Variants in ARID3A observed in about 807,000 individuals in gnomAD.
ARID3A encodes AT-rich interaction domain 3A.
ARID3A carries 11 observed loss-of-function variants against 52.7 expected under a neutral mutation model. That is an observed-to-expected ratio of 0.21 (90% CI 0.13 to 0.35). The LOEUF (loss-of-function observed/expected upper bound fraction) is 0.35, where lower values mean the gene tolerates loss of function less well. ARID3A is among the 10% of genes least tolerant of loss of function. The pLI, the probability that ARID3A is intolerant of heterozygous loss-of-function variation, is 1.00. For synonymous variants in ARID3A, 404 were observed against 359.4 expected (o/e 1.12, Z -1.40); for missense variants, 721 against 838.5 (o/e 0.86, Z 1.73).
chr19:930,459 G>T (rs1167793286), intron 2 of ARID3A, among the ~76,000 whole-genome samples: 1 of 150,644 alleles, frequency 6.6e-6, no homozygotes, highest in African/African-American at 2.4e-5. Flanking sequence ...GGCTGAGGCA[G>T]GAGAATGGCT....
chr19:953,827 G>A (rs994977008), intron 3 of ARID3A, among the ~76,000 whole-genome samples: 2 of 152,146 alleles, frequency 1.3e-5, no homozygotes, highest in African/African-American at 2.4e-5. Flanking sequence ...TAATCCCAGC[G>A]CTGTGGGAGG....
In ARID3A at chr19:972,344, A is replaced by T. The variant is rs933199754; in HGVS notation, c.*279A>T. The T allele has an allele frequency of 9.3e-6, 2 of 215,756 alleles. No individual in the cohort carries two copies. Among genetic ancestry groups the T allele is most frequent in the African/African-American group, 4.5e-5 (2 of 44,052 alleles). 13.4% of individuals were successfully genotyped at this position (215,756 alleles called of 1,614,324 possible). On this transcript the variant is annotated 3_prime_UTR_variant, in exon 9 of 9. Transcript: ENST00000263620. ...GACATTCAGAGAGATGAATTGTGAG[A>T]ACAGCAAAGAAATCCATCAGAAAAA...
At position 956,284 on chromosome 19, in the gene ARID3A, G is replaced by A. The variant is rs111460230; in HGVS notation, c.694-3808G>A. Among the ~76,000 whole-genome samples, 31 of 152,184 alleles carry A rather than the reference G, an allele frequency of 2.0e-4. No individual in the cohort carries two copies. In the East Asian group the frequency reaches 3.9e-3, roughly 19 times the overall value. On this transcript the variant is annotated intron_variant, in intron 3 of 8. Coordinates refer to ENST00000263620, the MANE Select transcript of ARID3A (RefSeq NM_005224.3). Reference sequence around the variant, plus strand: ...CCCTGTCCCCCTCTCCGCCCTGCCCGGCTCACTTTTGCAGCTGAGAAAATC... The same window carrying A: ...CCCTGTCCCCCTCTCCGCCCTGCCCAGCTCACTTTTGCAGCTGAGAAAATC...
chr19:926,776 G>T (rs1389277839), intron 1 of ARID3A, among the ~76,000 whole-genome samples: 1 of 151,716 alleles, frequency 6.6e-6, no homozygotes, highest in Non-Finnish European at 1.5e-5. Context: ...ACAAAAGCGG[G>T]CGCAGGAAGC....
At chr19:962,218 G>T (rs1053497414) in intron 4 of ARID3A, among the ~76,000 whole-genome samples, 38 of 152,186 alleles carry the variant, frequency 2.5e-4, no homozygotes, top group African/African-American at 9.1e-4. Context: ...CTTCACTCCA[G>T]ACAGAGAGAA....
intron 3 of ARID3A, among the ~76,000 whole-genome samples, chr19:935,516 C>T (rs950733540): frequency 9.9e-5 from 15 of 152,184 alleles, no homozygotes; most frequent in Admixed American, 3.3e-4. Context: ...CTTACTCTGT[C>T]GGGTAGGCTG....
In ARID3A at chr19:960,840, C is replaced by G. The variant is rs1249706344; in HGVS notation, c.766+676C>G. On this transcript the variant is annotated intron_variant, in intron 4 of 8. Coordinates refer to ENST00000263620, the MANE Select transcript of ARID3A (RefSeq NM_005224.3). The surrounding 1 kb of genome is among the most constrained non-coding windows in gnomAD (Gnocchi z 4.3). ...CTCTGTGCCCCCAAAGTCTCCTGGC[C>G]TAGAGAGGGCAGGTCTGGGCTGGTG... Among the ~76,000 whole-genome samples, 1 of 152,174 alleles carries G rather than the reference C, an allele frequency of 6.6e-6. No individual in the cohort carries two copies. The highest frequency in any genetic ancestry group is 1.5e-5 in the Non-Finnish European group (1 of 68,034).
Position 975,736 on chromosome 19 carries a change from GA to G in ARID3A, c.*3686del, listed in dbSNP as rs200120532. 0.17 allele frequency: 15,776 copies of G among 91,562 alleles called. 546 individuals are homozygous for G. The highest frequency in any genetic ancestry group is 0.31 in the East Asian group (2,233 of 7,244). 5.7% of individuals were successfully genotyped at this position (91,562 alleles called of 1,614,324 possible). ...TCGCAGAACATTCAGGTATTAAAAG[GA>G]AAAAAAAAAAAAAAGACAAAAAGAC... On this transcript the variant is annotated 3_prime_UTR_variant, in exon 9 of 9. Transcript: ENST00000263620.
rs982669409 is a variant in ARID3A at position 942,316 on chromosome 19, G to T, written c.693+9574G>T. Among the ~76,000 whole-genome samples the T allele has an allele frequency of 6.6e-6, 1 of 152,160 alleles. No homozygotes were observed. The highest frequency in any genetic ancestry group is 1.5e-5 in the Non-Finnish European group (1 of 68,010). On this transcript the variant is annotated intron_variant, in intron 3 of 8. Coordinates refer to ENST00000263620, the MANE Select transcript of ARID3A (RefSeq NM_005224.3). The surrounding 1 kb of genome is among the most constrained non-coding windows in gnomAD (Gnocchi z 8.1). ...TGTCGATCCTGACTGGGGCGGTGGC[G>T]ACATGGCCCCCGCAGCTGCCCGGCG...
chr19:958,734 A>T (rs1351826438), intron 3 of ARID3A, among the ~76,000 whole-genome samples: 1 of 151,924 alleles, frequency 6.6e-6, no homozygotes, highest in Non-Finnish European at 1.5e-5. Flanking sequence ...TCTACTAAAA[A>T]TACAAAAAAT....
chr19:929,441 C>CA lies in ARID3A; in HGVS notation c.-88_-87insA. 7.5e-4 allele frequency: 952 copies of CA among 1,269,790 alleles called. No homozygotes were observed. Among genetic ancestry groups the CA allele is most frequent in the Non-Finnish European group, 8.8e-4 (878 of 1,000,476 alleles). The allele number at this position is 1,269,790 out of a possible 1,614,324, so 78.7% of individuals were successfully genotyped here. ...CCACGCTGCAGTGCGGCCGGGCCCC[C>CA]TCCCCGCAGGGGCCGCCCCCGCCGC... On this transcript the variant is annotated 5_prime_UTR_variant, in exon 2 of 9. Coordinates refer to ENST00000263620, the MANE Select transcript of ARID3A (RefSeq NM_005224.3). This position sits in a 1 kb window ranked among gnomAD's most constrained non-coding sequence, Gnocchi z 6.2.
rs368152991 is a variant in ARID3A at position 971,987 on chromosome 19, C to G, written c.1704C>G (p.Thr568=). The G allele has an allele frequency of 2.5e-6, 4 of 1,601,484 alleles. No homozygotes were observed. The highest frequency in any genetic ancestry group is 1.4e-5 in the African/African-American group (1 of 73,632). The change falls in exon 9 of 9, where the codon ACC becomes ACG. Residue 568 remains threonine (T), a synonymous_variant. Coordinates refer to ENST00000263620, the MANE Select transcript of ARID3A (RefSeq NM_005224.3). The part of the protein sequence containing the change: ...SSNAGGRGGN[T]GTSGGQAGPA... The stretch of plus-strand genomic sequence containing the variant: ...ACGCAGGCGGCCGGGGAGGAAACAC[C>G]GGAACCAGCGGCGGCCAGGCTGGGC...
chr19:951,075 G>A (rs2037794575), intron 3 of ARID3A, among the ~76,000 whole-genome samples: 1 of 151,950 alleles, frequency 6.6e-6, no homozygotes, highest in Non-Finnish European at 1.5e-5. Context: ...GCCCGCCTCA[G>A]CCTCCCTAAG....
rs1383988513 is a variant in ARID3A at position 929,767 on chromosome 19, G to A, written c.239G>A (p.Gly80Asp). Residue 80 changes from glycine to aspartate, a missense_variant, in exon 2 of 9, where the codon GGC becomes GAC. By Grantham distance (94) the Gly-to-Asp change is moderately conservative (BLOSUM62 -1). This residue lies in a region of ARID3A where 349 missense variants were observed against 297.3 expected (regional missense o/e 1.17). Transcript: ENST00000263620. This position sits in a 1 kb window ranked among gnomAD's most constrained non-coding sequence, Gnocchi z 6.2. ...AGLGHPASPG[G>D]SEDGPPGSEE... ...CTGGGACACCCAGCCAGCCCCGGCG[G>A]CTCTGAGGATGGGCCCCCAGGCTCG... 6.4e-7 allele frequency: 1 copy of A among 1,552,926 alleles called. No individual in the cohort carries two copies. The highest frequency in any genetic ancestry group is 2.4e-5 in the East Asian group (1 of 42,240).
At position 966,799 on chromosome 19, in the gene ARID3A, C is replaced by T. The variant is rs746742501; in HGVS notation, c.1426C>T (p.Arg476Cys). The change falls in exon 7 of 9, where the codon CGT becomes TGT. Residue 476 changes from arginine (R) to cysteine (C), a missense_variant. Around this residue, in one of 5 missense-constraint regions of ARID3A, gnomAD observed 297 missense variants for 343.2 expected, o/e 0.87. Transcript: ENST00000263620. ...VADEQQRLMQ[R>C]ALQQNFLAMA... is the part of the protein sequence containing the mutation. ...CGATGAGCAGCAACGGCTGATGCAA[C>T]GTGCACTCCAGCAGAACTTCCTGGC... The T allele has an allele frequency of 2.7e-5, 44 of 1,613,562 alleles. No homozygotes were observed. The highest frequency in any genetic ancestry group is 3.3e-4 in the Middle Eastern group (2 of 6,084).
chr19:931,134 A>C (rs932315316), intron 2 of ARID3A, among the ~76,000 whole-genome samples: 1 of 151,990 alleles, frequency 6.6e-6, no homozygotes, highest in African/African-American at 2.4e-5. Context: ...TTTCTACAAA[A>C]AGTACAAAAA....
intron 1 of ARID3A, 50 bp downstream of exon 1, chr19:926,109 G>A (rs535800281): frequency 6.6e-6 from 1 of 150,438 alleles, no homozygotes; most frequent in African/African-American, 2.4e-5. Context: ...GGGAGCCAGC[G>A]GCGCGCACCG....
intron 2 of ARID3A, 34 bp from the exon 3 acceptor site, chr19:932,383 CT>C: frequency 6.3e-7 from 1 of 1,583,570 alleles, no homozygotes. Flanking sequence ...GAGCCAGCAC[CT>C]TCTCCCCTGA....
rs1479338653 is a variant in ARID3A, at chr19:973,531, G to C, written c.*1466G>C. On this transcript the variant is annotated 3_prime_UTR_variant, in exon 9 of 9. Transcript: ENST00000263620. ...CAGGGATGAATGTGGCGTCTCATTG[G>C]GATTCTTCTCTTGCCCGAAAGGGCT... 4.5e-6 allele frequency: 1 copy of C among 222,210 alleles called. No individual in the cohort carries two copies. The highest frequency in any genetic ancestry group is 9.0e-6 in the Non-Finnish European group (1 of 111,150). The allele number at this position is 222,210 out of a possible 1,614,324, so 13.8% of individuals were successfully genotyped here. A position where few individuals can be genotyped will look rare whatever the true frequency, so the allele number is the denominator to read the frequency against.
Sources: allele counts gnomAD v4.1 joint callset (sites outside exome capture counted in the v4.1 genomes callset), GRCh38; gene constraint gnomAD v4.1.1; regional missense constraint gnomAD v4.1.1; non-coding constraint Gnocchi (gnomAD v3.1); transcripts MANE v1.5; gene names NCBI Gene and HGNC (gene_info 2026-07-23, HGNC 2026-07-21).